Variants in KANK1 observed in about 807,000 individuals in gnomAD.
The protein encoded by KANK1 is KN motif and ankyrin repeat domain-containing protein 1.
Under a neutral mutation model 106.2 loss-of-function variants are expected in KANK1, and 109 were observed. The ratio of observed to expected loss-of-function variants is 1.03; its 90% CI spans 0.88 to 1.20. The LOEUF (loss-of-function observed/expected upper bound fraction) is 1.20, where lower values mean the gene tolerates loss of function less well. Ranked by LOEUF, KANK1 falls within the 50% of genes most tolerant of loss-of-function variation. The pLI is 0.00. For synonymous variants in KANK1, 873 were observed against 652.2 expected (o/e 1.34, Z -5.16); for missense variants, 2,399 against 1,710.7 (o/e 1.40, Z -7.10).
chr9:665,900 C>T (rs1238639549), intron 1 of KANK1, among the ~76,000 whole-genome samples: 1 of 152,098 alleles, frequency 6.6e-6, no homozygotes, highest in Non-Finnish European at 1.5e-5. Flanking sequence ...TTCTCAGGGG[C>T]CAGGCACAGT....
At position 525,614 on chromosome 9, in the gene KANK1, C is replaced by G. The variant is rs867408467; in HGVS notation, c.-84+20860C>G. ...CAGGCTGGTCTCGAACTCGTGGCCT[C>G]AAGTGATCTGCCTGCCTCCGCTTCC... On this transcript the variant is annotated intron_variant, in intron 1 of 11. Transcript: ENST00000382297. 1.5e-4 allele frequency among the ~76,000 whole-genome samples: 23 copies of G among 151,712 alleles called. 2 individuals carry two copies. Among genetic ancestry groups the G allele is most frequent in the African/African-American group, 5.4e-4 (22 of 41,052 alleles).
chr9:705,381 G>A (rs1823802910), intron 2 of KANK1, among the ~76,000 whole-genome samples: 1 of 152,144 alleles, frequency 6.6e-6, no homozygotes, highest in Non-Finnish European at 1.5e-5. Flanking sequence ...AGCTCCTCGG[G>A]AGGACGAGGC....
In KANK1 at chr9:742,082, C is replaced by A. The variant is rs570234407; in HGVS notation, c.3697-123C>A. ...TTGCCACCACCTGCCCCAAGTAGTT[C>A]CATCGCCAGTTCTTTCCCTTCTGTC... On this transcript the variant is annotated intron_variant, in intron 9 of 11. Transcript: ENST00000382297. The A allele has an allele frequency of 9.2e-5, 75 of 815,498 alleles. No individual in the cohort carries two copies. In the African/African-American group the frequency reaches 9.4e-4, roughly 10 times the overall value. 50.5% of individuals were successfully genotyped at this position (815,498 alleles called of 1,614,324 possible). A position where few individuals can be genotyped will look rare whatever the true frequency, so the allele number is the denominator to read the frequency against.
chr9:528,527 G>A (rs2059912672), intron 1 of KANK1, among the ~76,000 whole-genome samples: 1 of 129,516 alleles, frequency 7.7e-6, no homozygotes, highest in African/African-American at 2.8e-5. Context: ...TGTCACCCAG[G>A]CTGGAGTGCA....
intron 1 of KANK1, among the ~76,000 whole-genome samples, chr9:662,416 A>G (rs572038753): frequency 6.6e-6 from 1 of 152,284 alleles, no homozygotes; most frequent in South Asian, 2.1e-4. Context: ...ACGCTACCTG[A>G]CTTTAAACTA....
chr9:635,231 A>C, intron 1 of KANK1, among the ~76,000 whole-genome samples: 1 of 151,958 alleles, frequency 6.6e-6, no homozygotes, highest in Non-Finnish European at 1.5e-5. Flanking sequence ...CCTACCACCA[A>C]ACCTGCTCTC....
At chr9:650,951 T>G (rs1382856031) in intron 1 of KANK1, among the ~76,000 whole-genome samples, 1 of 152,102 alleles carries the variant, frequency 6.6e-6, no homozygotes, top group Non-Finnish European at 1.5e-5. Context: ...TCCTCCTGCT[T>G]CTGTCAAAGG....
At chr9:525,009 CAG>C (rs1476216572) in intron 1 of KANK1, among the ~76,000 whole-genome samples, 1 of 89,198 alleles carries the variant, frequency 1.1e-5, no homozygotes, top group Non-Finnish European at 2.0e-5. Context: ...TTTTTTGAGG[CAG>C]AGTCTCACTC....
intron 1 of KANK1, among the ~76,000 whole-genome samples, chr9:527,632 A>G (rs1180166533): frequency 2.0e-5 from 3 of 151,222 alleles, no homozygotes; most frequent in African/African-American, 7.3e-5. Flanking sequence ...GCATTGGCCA[A>G]CAGCTTCTGC....
chr9:721,226 G>C (rs1170600314), intron 3 of KANK1, among the ~76,000 whole-genome samples: 1 of 152,142 alleles, frequency 6.6e-6, no homozygotes. Flanking sequence ...CTAACCTGTG[G>C]TAAGTAAAGA....
intron 2 of KANK1, chr9:686,638 G>A: frequency 2.0e-6 from 1 of 490,432 alleles, no homozygotes; most frequent in Non-Finnish European, 2.6e-6. Context: ...TTTTCCATTA[G>A]CACCACACTT....
At chr9:598,917 C>G (rs1827001265) in intron 1 of KANK1, among the ~76,000 whole-genome samples, 1 of 149,770 alleles carries the variant, frequency 6.7e-6, no homozygotes, top group South Asian at 2.1e-4. Flanking sequence ...CGGGCATGAG[C>G]CACCATGCCC....
At chr9:624,545 T>C (rs886396206) in intron 1 of KANK1, among the ~76,000 whole-genome samples, 2 of 152,138 alleles carry the variant, frequency 1.3e-5, no homozygotes, top group African/African-American at 4.8e-5. Context: ...GGCTCATGCC[T>C]GTAATCCCAG....
chr9:492,038 A>G (rs1361925816), intron 3 of KANK1: 1 of 152,232 alleles, frequency 6.6e-6, no homozygotes, highest in Non-Finnish European at 1.5e-5. Flanking sequence ...AATCTTGGGT[A>G]TGTCTTTATC....
At chr9:719,610 A>G (rs1207011883) in intron 3 of KANK1, among the ~76,000 whole-genome samples, 1 of 152,200 alleles carries the variant, frequency 6.6e-6, no homozygotes, top group Non-Finnish European at 1.5e-5. Context: ...TATTTTTTTA[A>G]ATTGATTTTC....
chr9:635,675 A>G (rs1032421882), intron 1 of KANK1, among the ~76,000 whole-genome samples: 3 of 146,968 alleles, frequency 2.0e-5, no homozygotes, highest in Non-Finnish European at 4.5e-5. Flanking sequence ...TCATCCATTT[A>G]CCCACATTCC....
At chr9:666,645 A>T (rs1178953592) in intron 1 of KANK1, among the ~76,000 whole-genome samples, 1 of 152,024 alleles carries the variant, frequency 6.6e-6, no homozygotes, top group East Asian at 1.9e-4. Context: ...GAGGGTTTTT[A>T]TCAAAAGGGA....
intron 1 of KANK1, among the ~76,000 whole-genome samples, chr9:560,489 G>A (rs767557106): frequency 2.6e-5 from 4 of 152,188 alleles, no homozygotes; most frequent in Non-Finnish European, 5.9e-5. Flanking sequence ...ATTGAAGGTT[G>A]GATTGTGGGC....
chr9:600,378 T>C (rs1437941913), intron 1 of KANK1, among the ~76,000 whole-genome samples: 1 of 151,862 alleles, frequency 6.6e-6, no homozygotes, highest in Non-Finnish European at 1.5e-5. Flanking sequence ...CATTCCTTTC[T>C]AAGGCTGAAT....
Sources: allele counts gnomAD v4.1 joint callset (sites outside exome capture counted in the v4.1 genomes callset), GRCh38; gene constraint gnomAD v4.1.1; transcripts MANE v1.5; gene names NCBI Gene and HGNC (gene_info 2026-07-23, HGNC 2026-07-21).